PPP1R1B: variants seen among roughly 807,000 people sequenced by gnomAD.
The protein encoded by PPP1R1B is protein phosphatase 1 regulatory subunit 1B.
In PPP1R1B, 13 loss-of-function variants were observed where a neutral mutation model predicts 28.2. The ratio of observed to expected loss-of-function variants is 0.46; its 90% CI spans 0.30 to 0.73. The LOEUF is 0.73. PPP1R1B is among the 30% of genes least tolerant of loss of function. PPP1R1B has a pLI of 0.07. For synonymous variants in PPP1R1B, 102 were observed against 97.5 expected, an observed-to-expected ratio of 1.05 and a Z score of -0.27; for missense variants, 236 against 256.7, an observed-to-expected ratio of 0.92 and a Z score of 0.55.
intron 4 of PPP1R1B, among the ~76,000 whole-genome samples, chr17:39,631,326 A>G (rs1159244240): frequency 6.6e-6 from 1 of 152,258 alleles, no homozygotes; most frequent in Admixed American, 6.5e-5. Flanking sequence ...ACAGGCAGGC[A>G]AGGGCATCCC....
At chr17:39,631,566 G>C (rs1313117610) in intron 4 of PPP1R1B, among the ~76,000 whole-genome samples, 1 of 152,032 alleles carries the variant, frequency 6.6e-6, no homozygotes, top group African/African-American at 2.4e-5. Context: ...TCCTGCGGAG[G>C]TTGGGAGGGA....
intron 5 of PPP1R1B, 39 bp from the exon 6 acceptor site, chr17:39,635,568 G>A (rs764663197): frequency 2.0e-5 from 32 of 1,597,792 alleles, no homozygotes; most frequent in African/African-American, 2.7e-5. Context: ...GGATGGATAC[G>A]CAGAGCCTGT....
At chr17:39,629,002 C>G (rs2056856448) in intron 1 of PPP1R1B, among the ~76,000 whole-genome samples, 168 bp from the exon 2 acceptor site, 1 of 152,190 alleles carries the variant, frequency 6.6e-6, no homozygotes, top group Non-Finnish European at 1.5e-5. Flanking sequence ...TGCTTTTTCA[C>G]CTCTGTAAAA....
At chr17:39,629,589 A>C (rs1215837721) in intron 3 of PPP1R1B, 27 bp downstream of exon 3, 1 of 1,612,956 alleles carries the variant, frequency 6.2e-7, no homozygotes. Context: ...AGCTGGAAGG[A>C]GGGATGCCTG....
chr17:39,630,429 T>C, intron 4 of PPP1R1B: 1 of 280,350 alleles, frequency 3.6e-6, no homozygotes. Context: ...ACCCCTGGCC[T>C]CCCCTCCCAT....
In PPP1R1B at chr17:39,635,804, C is replaced by T; in HGVS notation, c.566-12C>T. 6.2e-7 allele frequency: 1 copy of T among 1,614,048 alleles called. No individual in the cohort carries two copies. The highest frequency in any genetic ancestry group is 8.5e-7 in the Non-Finnish European group (1 of 1,179,978). ...GGGCCAGGCCCTGAGTCCCTCTCTG[C>T]TTGCCTTTCAGAGCCTGGGGAGGAA... On this transcript the variant is annotated splice_polypyrimidine_tract_variant and intron_variant, in intron 6 of 6. Transcript: ENST00000254079.
chr17:39,627,419 C>A lies in PPP1R1B; in HGVS notation c.27C>A (p.Ile9=). ...TGGACCCCAAGGACCGCAAGAAGAT[C>A]CAGTTCTCGGTGCCCGCGCCCCCTA... MDPKDRKK[I]QFSVPAPPSQ... is the part of the protein sequence containing the mutation. Residue 9 remains isoleucine, a synonymous_variant, in exon 1 of 7, where the codon ATC becomes ATA. Transcript: ENST00000254079. 1 of 1,604,658 alleles carries A rather than the reference C, an allele frequency of 6.2e-7. No individual in the cohort carries two copies. Among genetic ancestry groups the A allele is most frequent in the South Asian group, 1.1e-5 (1 of 90,444 alleles).
In PPP1R1B at chr17:39,627,339, C is replaced by A; in HGVS notation, c.-54C>A. ...CTGCGCGGGGGAGCCCAGCACAGAC[C>A]GCCGCCGGGACCCCGAGTCGCGCAC... On this transcript the variant is annotated 5_prime_UTR_variant, in exon 1 of 7. Transcript: ENST00000254079. 2.3e-6 allele frequency: 3 copies of A among 1,330,226 alleles called. No individual in the cohort carries two copies. Among genetic ancestry groups the A allele is most frequent in the South Asian group, 1.2e-5 (1 of 80,806 alleles). 82.4% of individuals were successfully genotyped at this position (1,330,226 alleles called of 1,614,324 possible). A position where few individuals can be genotyped will look rare whatever the true frequency, so the allele number is the denominator to read the frequency against.
intron 4 of PPP1R1B, 155 bp downstream of exon 4, chr17:39,630,202 TCA>T: frequency 1.5e-6 from 1 of 682,466 alleles, no homozygotes; most frequent in African/African-American, 1.8e-5. Flanking sequence ...CAATTTTTTC[TCA>T]GTCTGGCCTT....
In PPP1R1B at chr17:39,635,720, C is replaced by T. The variant is rs960744652; in HGVS notation, c.559C>T (p.Leu187=). 2 of 1,614,032 alleles carry T rather than the reference C, an allele frequency of 1.2e-6. No individual in the cohort carries two copies. Among genetic ancestry groups the T allele is most frequent in the Non-Finnish European group, 1.7e-6 (2 of 1,179,974 alleles). The change falls in exon 6 of 7, where the codon CTA becomes TTA. Residue 187 remains leucine, a synonymous_variant. Transcript: ENST00000254079. The stretch of plus-strand genomic sequence containing the variant: ...TGAGGACCAAGTGGAAGACCCAGCA[C>T]TAAGTGGTAAGGCTTGGGAGTGTGA... ...GSEDQVEDPA[L]SEPGEEPQRP... is the part of the protein sequence containing the mutation.
At chr17:39,629,713 C>A (rs1049187709) in intron 3 of PPP1R1B, 151 bp downstream of exon 3, 2 of 819,878 alleles carry the variant, frequency 2.4e-6, no homozygotes, top group African/African-American at 1.7e-5. Context: ...GTGCCTCATG[C>A]CAGGGTGCCA....
intron 1 of PPP1R1B, chr17:39,628,374 T>C (rs2056851865): frequency 3.2e-6 from 1 of 315,456 alleles, no homozygotes; most frequent in Non-Finnish European, 4.5e-6. Flanking sequence ...GTTCTCTTTG[T>C]GCATTTCCCT....
chr17:39,629,020 G>A (rs1164520814), intron 1 of PPP1R1B, 150 bp from the exon 2 acceptor site: 2 of 702,290 alleles, frequency 2.8e-6, no homozygotes, highest in Non-Finnish European at 4.9e-6. Flanking sequence ...AAATGAGGGG[G>A]TTAGGTGAGC....
At position 39,627,994 on chromosome 17, in the gene PPP1R1B, T is replaced by C. The variant is rs1012747619; in HGVS notation, c.81+521T>C. Among the ~76,000 whole-genome samples, 8 of 152,146 alleles carry C rather than the reference T, an allele frequency of 5.3e-5. 1 individual carries two copies. In the South Asian group the frequency reaches 1.4e-3, roughly 28 times the overall value. On this transcript the variant is annotated intron_variant, in intron 1 of 6. Transcript: ENST00000254079. Reference sequence around the variant, plus strand: ...TGGGCTGGGGTCTCCAGAACCTGGCTCTGGCCTCCTGCTGTCAGGCCCCAG... The same window carrying C: ...TGGGCTGGGGTCTCCAGAACCTGGCCCTGGCCTCCTGCTGTCAGGCCCCAG...
chr17:39,629,471 C>G, intron 2 of PPP1R1B, 69 bp from the exon 3 acceptor site: 4 of 1,582,888 alleles, frequency 2.5e-6, no homozygotes, highest in Non-Finnish European at 3.5e-6. Context: ...CGGATTCTTT[C>G]TCTCTCTCCC....
intron 4 of PPP1R1B, chr17:39,630,585 TGA>T: frequency 6.4e-6 from 1 of 155,582 alleles, no homozygotes. Flanking sequence ...CAGAATAAGA[TGA>T]GTCAGATTTG....
chr17:39,627,166 G>A lies in PPP1R1B; in HGVS notation c.-227G>A. On this transcript the variant is annotated 5_prime_UTR_variant, in exon 1 of 7. Coordinates refer to ENST00000254079, the MANE Select transcript of PPP1R1B (RefSeq NM_032192.4). ...ACAGACCTGGCTCAGCGAGCGCGGG[G>A]GGCGAGCCCCGAGTCCCGAGAGCCT... 1 of 477,388 alleles carries A rather than the reference G, an allele frequency of 2.1e-6. No individual in the cohort carries two copies. Among genetic ancestry groups the A allele is most frequent in the Non-Finnish European group, 3.7e-6 (1 of 272,332 alleles). 29.6% of individuals were successfully genotyped at this position (477,388 alleles called of 1,614,324 possible).
At chr17:39,627,524 G>A in intron 1 of PPP1R1B, 51 bp downstream of exon 1, 2 of 1,193,096 alleles carry the variant, frequency 1.7e-6, no homozygotes, top group Non-Finnish European at 2.3e-6. Context: ...ACCCCGCGGG[G>A]CTTCTTCGCC....
chr17:39,629,610 G>T (rs1241889179), intron 3 of PPP1R1B, 48 bp downstream of exon 3: 1 of 1,608,264 alleles, frequency 6.2e-7, no homozygotes, highest in Admixed American at 1.7e-5. Context: ...GGCCCCTTGG[G>T]GTGGGGTGGA....
Sources: allele counts gnomAD v4.1 joint callset (sites outside exome capture counted in the v4.1 genomes callset), GRCh38; gene constraint gnomAD v4.1.1; transcripts MANE v1.5; gene names NCBI Gene and HGNC (gene_info 2026-07-23, HGNC 2026-07-21).